The following TMEM38B variants were observed in gnomAD, a reference collection of about 807,000 sequenced individuals.
TMEM38B encodes the protein transmembrane protein 38B.
In TMEM38B, 24 loss-of-function variants were observed where a neutral mutation model predicts 28.7. The observed-to-expected ratio is 0.84, with a 90% CI of 0.61 to 1.18. The LOEUF (loss-of-function observed/expected upper bound fraction) is 1.18. Ranked by LOEUF, TMEM38B falls within the 50% of genes most tolerant of loss-of-function variation. TMEM38B has a pLI of 0.00. For missense variants in TMEM38B, 380 were observed against 350.9 expected (o/e 1.08, Z -0.66); for synonymous variants, 131 against 127.7 (o/e 1.03, Z -0.17).
intron 4 of TMEM38B, among the ~76,000 whole-genome samples, chr9:105,742,389 T>C (rs576873288): frequency 1.3e-3 from 201 of 152,326 alleles, no homozygotes; most frequent in African/African-American, 4.6e-3. Context: ...TTTGCCCTTC[T>C]GGATTTCAAA....
intron 5 of TMEM38B, chr9:105,748,930 A>C: frequency 2.3e-6 from 1 of 429,548 alleles, no homozygotes; most frequent in Non-Finnish European, 3.9e-6. Flanking sequence ...AAGTCTAGAA[A>C]ATTTTATGGC....
At chr9:105,756,438 A>G (rs1303554271) in intron 5 of TMEM38B, among the ~76,000 whole-genome samples, 2 of 152,192 alleles carry the variant, frequency 1.3e-5, no homozygotes, top group African/African-American at 2.4e-5. Context: ...TTAGCAGAGT[A>G]GGAAGTTTTC....
chr9:105,744,613 T>G (rs1290239258), intron 4 of TMEM38B, among the ~76,000 whole-genome samples: 1 of 152,098 alleles, frequency 6.6e-6, no homozygotes, highest in African/African-American at 2.4e-5. Context: ...TACTTTAAGT[T>G]TTAGGGTACA....
intron 1 of TMEM38B, among the ~76,000 whole-genome samples, chr9:105,700,667 T>C (rs1460841988): frequency 1.3e-5 from 2 of 152,198 alleles, no homozygotes; most frequent in African/African-American, 4.8e-5. Flanking sequence ...AATCCTGGAA[T>C]AAAGTTTGTC....
intron 4 of TMEM38B, among the ~76,000 whole-genome samples, chr9:105,745,114 C>T (rs569819828): frequency 5.3e-5 from 8 of 152,076 alleles, no homozygotes; most frequent in Admixed American, 3.3e-4. Context: ...GTAATGGGAT[C>T]GCTGGGTCAA....
At chr9:105,750,894 G>A (rs140462561) in intron 5 of TMEM38B, among the ~76,000 whole-genome samples, 21 of 152,216 alleles carry the variant, frequency 1.4e-4, no homozygotes, top group Non-Finnish European at 2.4e-4. Context: ...TGTAAAAACC[G>A]TTCTTTTCCT....
chr9:105,738,417 A>T (rs1035787330), intron 4 of TMEM38B, among the ~76,000 whole-genome samples: 3 of 151,918 alleles, frequency 2.0e-5, no homozygotes, highest in African/African-American at 7.3e-5. Context: ...TGCTCTATAT[A>T]TAGAGTTGCT....
At position 105,694,581 on chromosome 9, in the gene TMEM38B, T is replaced by G; in HGVS notation, c.-80T>G. 1 of 1,135,912 alleles carries G rather than the reference T, an allele frequency of 8.8e-7. No individual in the cohort carries two copies. The highest frequency in any genetic ancestry group is 1.3e-6 in the Non-Finnish European group (1 of 775,692). 70.4% of individuals were successfully genotyped at this position (1,135,912 alleles called of 1,614,324 possible). Reference sequence around the variant, plus strand: ...GCGGAGGAGCGGGCGGCCGCGGCTGTGCCCTCTCCTACTCCTCACCGCGCG... The same window carrying G: ...GCGGAGGAGCGGGCGGCCGCGGCTGGGCCCTCTCCTACTCCTCACCGCGCG... On this transcript the variant is annotated 5_prime_UTR_variant, in exon 1 of 6. Transcript: ENST00000374692.
intron 5 of TMEM38B, chr9:105,760,274 G>A: frequency 1.3e-6 from 1 of 790,676 alleles, no homozygotes; most frequent in Admixed American, 1.8e-5. Context: ...TTTTCTCGAT[G>A]TGTGCTATGC....
intron 1 of TMEM38B, among the ~76,000 whole-genome samples, chr9:105,695,336 C>T (rs1035420472): frequency 6.6e-6 from 1 of 152,216 alleles, no homozygotes; most frequent in African/African-American, 2.4e-5. Flanking sequence ...TGTAGCCAGA[C>T]CAGGATTCCC....
intron 4 of TMEM38B, among the ~76,000 whole-genome samples, chr9:105,732,580 T>G (rs868411925): frequency 2.6e-5 from 4 of 152,126 alleles, no homozygotes; most frequent in Non-Finnish European, 5.9e-5. Flanking sequence ...TTTCCCCATT[T>G]CTTGTTTTTC....
intron 4 of TMEM38B, among the ~76,000 whole-genome samples, chr9:105,723,551 C>T (rs1329608037): frequency 6.6e-6 from 1 of 151,966 alleles, no homozygotes; most frequent in Non-Finnish European, 1.5e-5. Flanking sequence ...GCCATCATGC[C>T]CTGCTACTTT....
chr9:105,745,638 T>C (rs1009931451), intron 4 of TMEM38B, among the ~76,000 whole-genome samples: 2 of 152,204 alleles, frequency 1.3e-5, no homozygotes, highest in African/African-American at 2.4e-5. Context: ...TTGCTTTTGG[T>C]GTTTTAGACA....
chr9:105,710,814 G>A (rs370096300), intron 2 of TMEM38B: 9 of 424,820 alleles, frequency 2.1e-5, no homozygotes, highest in East Asian at 5.6e-5. Context: ...GTGCACTAAC[G>A]GGCCCAGCAA....
In TMEM38B at chr9:105,747,524, A is replaced by C. The variant is rs527806201; in HGVS notation, c.543-549A>C. Among the ~76,000 whole-genome samples, 199 of 152,146 alleles carry C rather than the reference A, an allele frequency of 1.3e-3. 1 individual carries two copies. The highest frequency in any genetic ancestry group is 4.5e-3 in the African/African-American group (185 of 41,536). ...CAATTTTGCTGATCTTTTCAAAAAA[A>C]CAGCTCCTGGATTCATTGATTTTTT... On this transcript the variant is annotated intron_variant, in intron 4 of 5. Transcript: ENST00000374692.
chr9:105,732,336 G>A (rs139861190), intron 4 of TMEM38B, among the ~76,000 whole-genome samples: 3 of 152,104 alleles, frequency 2.0e-5, no homozygotes, highest in African/African-American at 2.4e-5. Context: ...GTCAATTTTG[G>A]CTTTTGTTGC....
chr9:105,698,721 G>T (rs1401138091), intron 1 of TMEM38B, among the ~76,000 whole-genome samples: 1 of 152,024 alleles, frequency 6.6e-6, no homozygotes, highest in African/African-American at 2.4e-5. Context: ...TGGGCCCAAG[G>T]TTATGCTGTT....
intron 2 of TMEM38B, among the ~76,000 whole-genome samples, chr9:105,721,247 A>G (rs914486720): frequency 1.3e-5 from 2 of 152,222 alleles, no homozygotes; most frequent in African/African-American, 4.8e-5. Flanking sequence ...AGAACAATAT[A>G]GGCACAAATT....
intron 5 of TMEM38B, among the ~76,000 whole-genome samples, chr9:105,771,284 T>A (rs757023023): frequency 5.3e-5 from 8 of 152,148 alleles, no homozygotes; most frequent in Non-Finnish European, 7.4e-5. Context: ...ACAAGTACAT[T>A]TGTCACCTTG....
Sources: allele counts gnomAD v4.1 joint callset (sites outside exome capture counted in the v4.1 genomes callset), GRCh38; gene constraint gnomAD v4.1.1; transcripts MANE v1.5; gene names NCBI Gene and HGNC (gene_info 2026-07-23, HGNC 2026-07-21).